The following ZNF704 variants were observed in gnomAD, a reference collection of about 807,000 sequenced individuals.
The protein encoded by ZNF704 is glucocorticoid induced gene 1.
In ZNF704, 10 loss-of-function variants were observed where a neutral mutation model predicts 44.7. The ratio of observed to expected loss-of-function variants is 0.22; its 90% CI spans 0.14 to 0.38. The LOEUF is 0.38. Among genes scored for constraint, ZNF704 ranks in the 10% least tolerant of loss-of-function variants. The pLI is 1.00. For synonymous variants in ZNF704, 211 were observed against 207.6 expected (o/e 1.02, Z -0.14); for missense variants, 390 against 545.5 (o/e 0.71, Z 2.84).
chr8:80,831,705 T>C (rs967703743), intron 1 of ZNF704, among the ~76,000 whole-genome samples: 1 of 152,162 alleles, frequency 6.6e-6, no homozygotes, highest in Non-Finnish European at 1.5e-5. Flanking sequence ...TGCTCACCTT[T>C]TGGGGTAAAT....
chr8:80,836,420 T>C (rs773789501), intron 1 of ZNF704, among the ~76,000 whole-genome samples: 6 of 152,164 alleles, frequency 3.9e-5, no homozygotes, highest in Non-Finnish European at 5.9e-5. Context: ...GACCACTCAA[T>C]TTAAAATTGC....
chr8:80,647,890 G>A (rs895866295), intron 7 of ZNF704, among the ~76,000 whole-genome samples: 4 of 152,124 alleles, frequency 2.6e-5, no homozygotes, highest in Admixed American at 2.0e-4. Flanking sequence ...TGTCTTCAGC[G>A]GTTTTGTGCT....
chr8:80,764,952 G>A (rs1807203660), intron 2 of ZNF704, among the ~76,000 whole-genome samples: 3 of 152,184 alleles, frequency 2.0e-5, no homozygotes, highest in African/African-American at 7.2e-5. Context: ...ATGCATATGA[G>A]AAGATATTTA....
At chr8:80,816,809 T>G (rs571351914) in intron 2 of ZNF704, among the ~76,000 whole-genome samples, 3 of 152,158 alleles carry the variant, frequency 2.0e-5, no homozygotes, top group South Asian at 2.1e-4. Flanking sequence ...CTGAGGAAAG[T>G]TGAATAATTT....
At chr8:80,689,335 T>C (rs1452954879) in intron 3 of ZNF704, among the ~76,000 whole-genome samples, 3 of 152,150 alleles carry the variant, frequency 2.0e-5, no homozygotes, top group African/African-American at 4.8e-5. Context: ...TAAGTTGAAA[T>C]AGGAGAAACT....
At chr8:80,734,050 G>A (rs1701649269) in intron 2 of ZNF704, among the ~76,000 whole-genome samples, 1 of 152,128 alleles carries the variant, frequency 6.6e-6, no homozygotes, top group South Asian at 2.1e-4. Context: ...TCTCCAGATG[G>A]TGTTTCGAAA....
the ZNF704 span, among the ~76,000 whole-genome samples, chr8:80,881,788 C>T: frequency 1.3e-5 from 2 of 152,166 alleles, no homozygotes; most frequent in South Asian, 2.1e-4. Flanking sequence ...ATTAGCCGGG[C>T]ATGGTGGTGG....
intron 7 of ZNF704, among the ~76,000 whole-genome samples, chr8:80,652,588 G>A (rs1228768017): frequency 2.6e-5 from 4 of 152,078 alleles, no homozygotes; most frequent in African/African-American, 7.2e-5. Context: ...TAAATTCCTC[G>A]ACACACACAC....
At chr8:80,682,025 C>G (rs1349487125) in intron 4 of ZNF704, among the ~76,000 whole-genome samples, 1 of 152,224 alleles carries the variant, frequency 6.6e-6, no homozygotes, top group Non-Finnish European at 1.5e-5. Context: ...TTGATCCAAG[C>G]TGCTGTTCTT....
intron 2 of ZNF704, among the ~76,000 whole-genome samples, chr8:80,697,449 A>G (rs1404537498): frequency 6.6e-6 from 1 of 152,196 alleles, no homozygotes; most frequent in East Asian, 1.9e-4. Context: ...CAGCGATACT[A>G]TTCAGTCTGT....
chr8:80,658,216 G>T (rs768023306), intron 7 of ZNF704, among the ~76,000 whole-genome samples: 6 of 152,164 alleles, frequency 3.9e-5, no homozygotes, highest in Admixed American at 2.6e-4. Context: ...CATGGTGTAT[G>T]CTTCCCATAC....
intron 1 of ZNF704, among the ~76,000 whole-genome samples, chr8:80,870,170 C>A (rs1427000895): frequency 6.6e-6 from 1 of 152,090 alleles, no homozygotes; most frequent in Non-Finnish European, 1.5e-5. Context: ...ACTCTAAGAA[C>A]TGTTTTAAAG....
intron 2 of ZNF704, among the ~76,000 whole-genome samples, chr8:80,759,930 T>C (rs971612240): frequency 6.6e-6 from 1 of 152,156 alleles, no homozygotes; most frequent in African/African-American, 2.4e-5. Context: ...ATTAAAAAAA[T>C]ACATTTTGTA....
intron 2 of ZNF704, among the ~76,000 whole-genome samples, chr8:80,786,232 C>T (rs1807612056): frequency 6.6e-6 from 1 of 152,126 alleles, no homozygotes; most frequent in African/African-American, 2.4e-5. Context: ...TGCTGCACTC[C>T]TCCCTGGGTA....
chr8:80,738,895 T>C (rs73692118), intron 2 of ZNF704, among the ~76,000 whole-genome samples: 1,535 of 152,240 alleles, frequency 0.01, 13 homozygotes, highest in African/African-American at 0.013. Context: ...AGATGGTCAA[T>C]CCCTTTATGC....
chr8:80,822,345 C>T (rs770598215), intron 1 of ZNF704, among the ~76,000 whole-genome samples: 6 of 138,400 alleles, frequency 4.3e-5, no homozygotes, highest in Non-Finnish European at 6.1e-5. Context: ...TTGTTTAATT[C>T]GCACCTATGA....
chr8:80,832,608 C>T (rs1182113760), intron 1 of ZNF704, among the ~76,000 whole-genome samples: 1 of 152,012 alleles, frequency 6.6e-6, no homozygotes, highest in Admixed American at 6.6e-5. Context: ...ACAACATTTC[C>T]AGGAATAATC....
At chr8:80,798,025 T>C (rs996921467) in intron 2 of ZNF704, among the ~76,000 whole-genome samples, 2 of 152,218 alleles carry the variant, frequency 1.3e-5, no homozygotes, top group African/African-American at 4.8e-5. Context: ...TTCTGCCAGA[T>C]ATCCTAATTC....
intron 1 of ZNF704, among the ~76,000 whole-genome samples, chr8:80,866,358 C>T (rs1272688493): frequency 2.0e-5 from 3 of 152,150 alleles, no homozygotes; most frequent in African/African-American, 7.2e-5. Context: ...CTGTTGTATC[C>T]TGTGTGTACA....
Sources: gnomAD v4.1 joint callset for allele counts (sites outside exome capture counted in the v4.1 genomes callset) on GRCh38, gnomAD v4.1.1 for gene constraint, MANE v1.5 for transcripts, NCBI Gene and HGNC (gene_info 2026-07-23, HGNC 2026-07-21) for gene names.